Variants in GTF3C1 observed in about 807,000 individuals in gnomAD.
GTF3C1 encodes general transcription factor IIIC subunit 1.
In GTF3C1, 57 loss-of-function variants were observed where a neutral mutation model predicts 226.7. That is an observed-to-expected ratio of 0.25 (90% confidence interval 0.20 to 0.31). The LOEUF (loss-of-function observed/expected upper bound fraction) is 0.31. GTF3C1 is among the 10% of genes least tolerant of loss of function. GTF3C1 has a pLI of 1.00. For missense variants in GTF3C1, 2,217 were observed against 2,776.1 expected (o/e 0.80, Z 4.53); for synonymous variants, 1,090 against 1,084.8 (o/e 1.00, Z -0.09).
intron 6 of GTF3C1, among the ~76,000 whole-genome samples, chr16:27,524,267 T>C (rs1037601256): frequency 3.3e-5 from 5 of 152,252 alleles, no homozygotes; most frequent in African/African-American, 1.2e-4. Context: ...TGTATTTTTA[T>C]AGGGAAGGTG....
chr16:27,520,039 C>A (rs529022558), intron 6 of GTF3C1, among the ~76,000 whole-genome samples: 2 of 152,308 alleles, frequency 1.3e-5, no homozygotes, highest in African/African-American at 4.8e-5. Flanking sequence ...GCTCAGCCTG[C>A]GAGGCTAAGG....
intron 1 of GTF3C1, among the ~76,000 whole-genome samples, chr16:27,545,829 T>G (rs2089154109): frequency 6.6e-6 from 1 of 152,152 alleles, no homozygotes; most frequent in African/African-American, 2.4e-5. Context: ...AACCACCAAG[T>G]TGGACGAAAT....
chr16:27,479,931 T>C (rs1470849606), intron 27 of GTF3C1, among the ~76,000 whole-genome samples: 1 of 152,144 alleles, frequency 6.6e-6, no homozygotes, highest in African/African-American at 2.4e-5. Flanking sequence ...CCGGGTGCGG[T>C]GGCTCATGCC....
chr16:27,478,342 G>T, intron 28 of GTF3C1, 127 bp downstream of exon 28: 9 of 705,310 alleles, frequency 1.3e-5, no homozygotes, highest in South Asian at 1.3e-4. Context: ...CTGTATGCCA[G>T]TAAAATTTTG....
intron 6 of GTF3C1, among the ~76,000 whole-genome samples, chr16:27,519,100 G>A (rs764272600): frequency 3.2e-4 from 49 of 152,168 alleles, no homozygotes; most frequent in Non-Finnish European, 6.3e-4. Flanking sequence ...GCAGGGGACA[G>A]CAGAGAGAGG....
In GTF3C1 at chr16:27,461,663, C is replaced by G. The variant is rs2087707997; in HGVS notation, c.6118-101G>C. ...GAATGCCCCCTCTGTACCAGGGAGCCACTTCCCAGAGCAGGGGGCACCTGA... is the reference window on the plus strand; with the variant it reads ...GAATGCCCCCTCTGTACCAGGGAGCGACTTCCCAGAGCAGGGGGCACCTGA... On this transcript the variant is annotated intron_variant, in intron 36 of 36. Coordinates refer to ENST00000356183, the MANE Select transcript of GTF3C1 (RefSeq NM_001520.4). This position sits in a 1 kb window ranked among gnomAD's most constrained non-coding sequence, Gnocchi z 5.3. The G allele has an allele frequency of 1.1e-6, 1 of 884,136 alleles. No homozygotes were observed. The highest frequency in any genetic ancestry group is 1.8e-6 in the Non-Finnish European group (1 of 560,470). The allele number at this position is 884,136 out of a possible 1,614,324, so 54.8% of individuals were successfully genotyped here.
chr16:27,506,159 A>G (rs1376254279), intron 9 of GTF3C1, 43 bp from the exon 10 acceptor site: 2 of 1,143,076 alleles, frequency 1.7e-6, no homozygotes, highest in Non-Finnish European at 2.6e-6. Context: ...GGGGGAGGCC[A>G]GGAGGGCATT....
intron 19 of GTF3C1, among the ~76,000 whole-genome samples, chr16:27,490,483 AACTTT>A (rs1201815143): frequency 6.6e-6 from 1 of 152,108 alleles, no homozygotes; most frequent in African/African-American, 2.4e-5. Context: ...CAGCAGCTGG[AACTTT>A]ACTTGAGACG....
chr16:27,546,485 T>G (rs892046384), intron 1 of GTF3C1, among the ~76,000 whole-genome samples: 3,082 of 88,518 alleles, frequency 0.035, 38 homozygotes, highest in Non-Finnish European at 0.054. Flanking sequence ...TTTTTTTTTT[T>G]GAAAAAAAAA....
intron 2 of GTF3C1, among the ~76,000 whole-genome samples, chr16:27,544,436 A>C (rs1374139623): frequency 1.3e-5 from 2 of 151,836 alleles, no homozygotes; most frequent in African/African-American, 2.4e-5. Context: ...TGAGAGGTGG[A>C]AAAGAGCAGG....
chr16:27,462,567 C>T lies in GTF3C1; in HGVS notation c.5925-81G>A, dbSNP rs117620553. 8,331 of 1,050,800 alleles carry T rather than the reference C, an allele frequency of 7.9e-3. 48 individuals are homozygous for T. Among genetic ancestry groups the T allele is most frequent in the South Asian group, 0.011 (803 of 70,366 alleles). The allele number at this position is 1,050,800 out of a possible 1,614,324, so 65.1% of individuals were successfully genotyped here. On this transcript the variant is annotated intron_variant, in intron 35 of 36. Coordinates refer to ENST00000356183, the MANE Select transcript of GTF3C1 (RefSeq NM_001520.4). This position sits in a 1 kb window ranked among gnomAD's most constrained non-coding sequence, Gnocchi z 4.5. ...CAGACAGAACACTGAGGCTCAGGGGCGTCCTAGGCCTGGCCCAGGTCACAG... is the reference window on the plus strand; with the variant it reads ...CAGACAGAACACTGAGGCTCAGGGGTGTCCTAGGCCTGGCCCAGGTCACAG...
In GTF3C1 at chr16:27,528,612, C is replaced by G. The variant is rs747037289; in HGVS notation, c.959G>C (p.Cys320Ser). ...CTCTGCATTACCTTTCTTTGTCTTA[C>G]AAGGTCCACATTCAGGGTGGATCTC... ...LQEIHPECGPCKTKKGTDVMV... is the reference protein window; with the variant it reads ...LQEIHPECGPSKTKKGTDVMV... The change falls in exon 6 of 37, where the codon TGT (cysteine) becomes TCT (serine). Residue 320 changes from cysteine to serine, a missense_variant. Physicochemically the swap from Cys to Ser is moderately radical, Grantham distance 112. This residue lies in a region of GTF3C1 where 163 missense variants were observed against 234.3 expected (regional missense o/e 0.70). Coordinates refer to ENST00000356183, the MANE Select transcript of GTF3C1 (RefSeq NM_001520.4). 2 of 1,612,626 alleles carry G rather than the reference C, an allele frequency of 1.2e-6. No homozygotes were observed. The highest frequency in any genetic ancestry group is 3.3e-5 in the Admixed American group (2 of 59,948).
Position 27,469,648 on chromosome 16 carries a change from G to T in GTF3C1, c.4815-98C>A. On this transcript the variant is annotated intron_variant, in intron 31 of 36. Transcript: ENST00000356183. The surrounding 1 kb of genome is among the most constrained non-coding windows in gnomAD (Gnocchi z 4.5). ...AAGAGGCCTCTGTGGCTGGGCTTCA[G>T]CAGTGGCCCCAGCAACTGGCTATGC... The T allele has an allele frequency of 7.4e-7, 1 of 1,351,152 alleles. No homozygotes were observed. Among genetic ancestry groups the T allele is most frequent in the Non-Finnish European group, 1.0e-6 (1 of 973,520 alleles). The allele number at this position is 1,351,152 out of a possible 1,614,324, so 83.7% of individuals were successfully genotyped here.
intron 6 of GTF3C1, among the ~76,000 whole-genome samples, chr16:27,516,402 C>T (rs2088659092): frequency 6.6e-6 from 1 of 152,210 alleles, no homozygotes; most frequent in Non-Finnish European, 1.5e-5. Flanking sequence ...CAGCGTGAGG[C>T]GGCTGTGCTT....
At chr16:27,511,220 A>G (rs1177257362) in intron 7 of GTF3C1, among the ~76,000 whole-genome samples, 1 of 152,290 alleles carries the variant, frequency 6.6e-6, no homozygotes, top group East Asian at 1.9e-4. Context: ...CCCAGACAGA[A>G]CAAGAAGCCA....
chr16:27,464,074 G>A (rs979001307), intron 34 of GTF3C1: 5 of 434,986 alleles, frequency 1.1e-5, no homozygotes, highest in South Asian at 6.0e-5. Flanking sequence ...TGGCCCCACC[G>A]CCTGAGCTCC....
In GTF3C1 at chr16:27,471,635, C is replaced by T. The variant is rs552040374; in HGVS notation, c.4526+113G>A. The T allele has an allele frequency of 1.5e-5, 12 of 817,268 alleles. No individual in the cohort carries two copies. The highest frequency in any genetic ancestry group is 1.1e-4 in the Admixed American group (5 of 46,004). The allele number at this position is 817,268 out of a possible 1,614,324, so 50.6% of individuals were successfully genotyped here. A position where few individuals can be genotyped will look rare whatever the true frequency, so the allele number is the denominator to read the frequency against. On this transcript the variant is annotated intron_variant, in intron 30 of 36. Coordinates refer to ENST00000356183, the MANE Select transcript of GTF3C1 (RefSeq NM_001520.4). This position sits in a 1 kb window ranked among gnomAD's most constrained non-coding sequence, Gnocchi z 5.0. ...AGCCGGCATCTTGCACATGAGGCTG[C>T]GAAGGTCCCTGGCTCCTACACGCTT...
In GTF3C1 at chr16:27,463,796, C is replaced by T. The variant is rs1285748087; in HGVS notation, c.5873-204G>A. 1 of 597,946 alleles carries T rather than the reference C, an allele frequency of 1.7e-6. No individual in the cohort carries two copies. Among genetic ancestry groups the T allele is most frequent in the Non-Finnish European group, 3.0e-6 (1 of 338,516 alleles). 37.0% of individuals were successfully genotyped at this position (597,946 alleles called of 1,614,324 possible). On this transcript the variant is annotated intron_variant, in intron 34 of 36. Coordinates refer to ENST00000356183, the MANE Select transcript of GTF3C1 (RefSeq NM_001520.4). This position sits in a 1 kb window ranked among gnomAD's most constrained non-coding sequence, Gnocchi z 4.9. ...GGGCAGACTGCCGCACACAGCGCCA[C>T]ATGCAAGCAGCGTCCCAGGCCCGGA...
At chr16:27,487,208 G>A (rs2088154099) in intron 23 of GTF3C1, among the ~76,000 whole-genome samples, 1 of 152,348 alleles carries the variant, frequency 6.6e-6, no homozygotes, top group East Asian at 1.9e-4. Context: ...ACATATCTAC[G>A]ACAGGCGAAA....
Sources: gnomAD v4.1 joint callset for allele counts (sites outside exome capture counted in the v4.1 genomes callset) on GRCh38, gnomAD v4.1.1 for gene constraint, gnomAD v4.1.1 regional missense constraint, Gnocchi (gnomAD v3.1) non-coding constraint, MANE v1.5 for transcripts, NCBI Gene and HGNC (gene_info 2026-07-23, HGNC 2026-07-21) for gene names.